Variants in EHMT1 observed in about 807,000 individuals in gnomAD.
EHMT1 encodes the protein histone-lysine N-methyltransferase EHMT1.
In EHMT1, 15 loss-of-function variants were observed where a neutral mutation model predicts 147.2. That is an observed-to-expected ratio of 0.10 (90% CI 0.07 to 0.16). EHMT1 has a LOEUF of 0.16. EHMT1 is among the 10% of genes least tolerant of loss of function. The pLI is 1.00. For synonymous variants in EHMT1, 795 were observed against 709.6 expected, an observed-to-expected ratio of 1.12 and a Z score of -1.91; for missense variants, 1,587 against 1,772.4, an observed-to-expected ratio of 0.90 and a Z score of 1.88.
chr9:137,696,574 A>G (rs1321125704), intron 1 of EHMT1, among the ~76,000 whole-genome samples: 3 of 152,212 alleles, frequency 2.0e-5, no homozygotes, highest in East Asian at 1.9e-4. Flanking sequence ...AGGATAGTCC[A>G]GTGGACCAAT....
At chr9:137,635,700 G>T (rs1017263043) in intron 1 of EHMT1, among the ~76,000 whole-genome samples, 3 of 150,970 alleles carry the variant, frequency 2.0e-5, no homozygotes, top group Admixed American at 6.6e-5. Context: ...GGCGCCTGTA[G>T]TTCCAGCTAC....
chr9:137,772,270 G>A (rs901887807), intron 10 of EHMT1, among the ~76,000 whole-genome samples: 2 of 152,084 alleles, frequency 1.3e-5, no homozygotes, highest in African/African-American at 4.8e-5. Context: ...AGAAAATACT[G>A]GTAATTTTTG....
At position 137,672,181 on chromosome 9, in the gene EHMT1, T is replaced by C. The variant is rs572934309; in HGVS notation, c.22-38786T>C. On this transcript the variant is annotated intron_variant, in intron 1 of 26. Transcript: ENST00000460843. ...ATCTGGCTCTGCTGACTGGAAAAGA[T>C]AGGTGCACAAATGTAAAACCGTATC... 1.1e-4 allele frequency among the ~76,000 whole-genome samples: 17 copies of C among 152,366 alleles called. No homozygotes were observed. In the South Asian group the frequency reaches 3.5e-3, roughly 32 times the overall value.
chr9:137,664,734 G>A (rs1271009626), intron 1 of EHMT1, among the ~76,000 whole-genome samples: 8 of 152,168 alleles, frequency 5.3e-5, no homozygotes, highest in South Asian at 4.1e-4. Context: ...GGGAGCCGAG[G>A]TGGAGGGCAG....
At chr9:137,790,530 C>A (rs1952446492) in intron 15 of EHMT1, among the ~76,000 whole-genome samples, 3 of 152,200 alleles carry the variant, frequency 2.0e-5, no homozygotes, top group African/African-American at 7.2e-5. Flanking sequence ...CTCCCTCCCC[C>A]TTCTTTGTCT....
intron 2 of EHMT1, among the ~76,000 whole-genome samples, chr9:137,716,101 T>C (rs1945211415): frequency 3.4e-5 from 2 of 58,300 alleles, no homozygotes; most frequent in African/African-American, 1.7e-4. Flanking sequence ...GAGGAAGTTG[T>C]GGTGGTGTCA....
chr9:137,773,106 G>A (rs1402866451), intron 10 of EHMT1, among the ~76,000 whole-genome samples: 1 of 152,200 alleles, frequency 6.6e-6, no homozygotes, highest in Non-Finnish European at 1.5e-5. Flanking sequence ...GCATGAATAA[G>A]AAAGTAAAAT....
chr9:137,659,675 C>T (rs1337816130), intron 1 of EHMT1, among the ~76,000 whole-genome samples: 11 of 151,774 alleles, frequency 7.2e-5, no homozygotes, highest in Middle Eastern at 3.4e-3. Context: ...ACCTCAGCTT[C>T]CCGAGTAGCT....
chr9:137,697,954 G>A (rs1289920390), intron 1 of EHMT1, among the ~76,000 whole-genome samples: 4 of 151,008 alleles, frequency 2.6e-5, no homozygotes, highest in East Asian at 3.9e-4. Context: ...TGAGGGCGGC[G>A]TGGCTCGCGG....
At chr9:137,683,279 A>G (rs900444922) in intron 1 of EHMT1, among the ~76,000 whole-genome samples, 1 of 152,260 alleles carries the variant, frequency 6.6e-6, no homozygotes, top group African/African-American at 2.4e-5. Flanking sequence ...CTGAGGTAAA[A>G]GCGGATCTGC....
intron 1 of EHMT1, among the ~76,000 whole-genome samples, chr9:137,677,178 G>A (rs151245286): frequency 2.9e-3 from 435 of 152,064 alleles, no homozygotes; most frequent in African/African-American, 9.6e-3. Context: ...CTGTCGCCCA[G>A]GCTGGATTGC....
At chr9:137,806,882 C>G (rs1239701092) in intron 18 of EHMT1, among the ~76,000 whole-genome samples, 1 of 152,240 alleles carries the variant, frequency 6.6e-6, no homozygotes, top group Non-Finnish European at 1.5e-5. Flanking sequence ...AGTGAGAAAT[C>G]CAGTGCCACC....
Position 137,716,765 on chromosome 9 carries a change from C to G in EHMT1, c.225C>G (p.Asp75Glu), listed in dbSNP as rs984124935. The change falls in exon 3 of 27, where the codon GAC becomes GAG. Residue 75 changes from aspartate to glutamate, a missense_variant. Coordinates refer to ENST00000460843, the MANE Select transcript of EHMT1 (RefSeq NM_024757.5). ...SHANAAKHTQ[D>E]SARVNPQDGT... ...CAAATGCTGCAAAGCACACTCAGGA[C>G]AGCGCAAGGGTCAACCCCCAGGATG... The G allele has an allele frequency of 1.3e-5, 21 of 1,612,884 alleles. No homozygotes were observed. Among genetic ancestry groups the G allele is most frequent in the Non-Finnish European group, 1.8e-5 (21 of 1,179,780 alleles).
Position 137,811,592 on chromosome 9 carries a change from G to A in EHMT1, c.2844G>A (p.Arg948=), listed in dbSNP as rs1204165155. 29 of 1,603,876 alleles carry A rather than the reference G, an allele frequency of 1.8e-5. No homozygotes were observed. Among genetic ancestry groups the A allele is most frequent in the Non-Finnish European group, 2.4e-5 (28 of 1,179,962 alleles). The change falls in exon 19 of 27, where the codon CGG becomes CGA. Residue 948 remains arginine (R), a synonymous_variant. Coordinates refer to ENST00000460843, the MANE Select transcript of EHMT1 (RefSeq NM_024757.5). ...ACTCGCCACTGCACATTGCCGCCCG[G>A]GAGAACCGCTACGACTGTGTCGTGT... is the stretch of plus-strand genomic sequence containing the variant. The part of the protein sequence containing the change: ...HGDSPLHIAA[R]ENRYDCVVLF...
intron 1 of EHMT1, among the ~76,000 whole-genome samples, chr9:137,625,905 G>C (rs1240779847): frequency 6.6e-6 from 1 of 151,378 alleles, no homozygotes; most frequent in East Asian, 1.9e-4. Context: ...GCCCAGGCTG[G>C]AGTGCAGTGG....
intron 3 of EHMT1, among the ~76,000 whole-genome samples, chr9:137,724,387 G>A (rs565458044): frequency 1.3e-5 from 2 of 152,204 alleles, no homozygotes; most frequent in Non-Finnish European, 2.9e-5. Flanking sequence ...TGTGGAGATG[G>A]GATGGGCCGG....
intron 18 of EHMT1, among the ~76,000 whole-genome samples, chr9:137,804,984 ATG>A (rs1953809858): frequency 6.6e-6 from 1 of 151,992 alleles, no homozygotes; most frequent in African/African-American, 2.4e-5. Context: ...AGTCATCTGC[ATG>A]TGTGTCCACA....
intron 6 of EHMT1, among the ~76,000 whole-genome samples, chr9:137,749,744 C>T (rs931848687): frequency 6.6e-6 from 1 of 152,198 alleles, no homozygotes; most frequent in Non-Finnish European, 1.5e-5. Flanking sequence ...CCTTAAAAGT[C>T]GCTTTGCCAG....
intron 16 of EHMT1, among the ~76,000 whole-genome samples, chr9:137,797,064 T>G (rs12686658): frequency 6.6e-6 from 1 of 151,696 alleles, no homozygotes; most frequent in African/African-American, 2.4e-5. Flanking sequence ...GTAAAGGTAT[T>G]GAGATCCGTG....
Sources: allele counts gnomAD v4.1 joint callset (sites outside exome capture counted in the v4.1 genomes callset), GRCh38; gene constraint gnomAD v4.1.1; transcripts MANE v1.5; gene names NCBI Gene and HGNC (gene_info 2026-07-23, HGNC 2026-07-21).